PCCA: variants seen among roughly 807,000 people sequenced by gnomAD.
PCCA encodes the protein propionyl-CoA carboxylase subunit alpha.
In PCCA, 74 loss-of-function variants were observed where a neutral mutation model predicts 101.3. The observed-to-expected ratio is 0.73, with a 90% CI of 0.61 to 0.89. PCCA has a LOEUF of 0.89. Among genes scored for constraint, PCCA ranks in the 40% least tolerant of loss-of-function variants. The pLI is 0.00. For synonymous variants in PCCA, 294 were observed against 313.6 expected (o/e 0.94, Z 0.66); for missense variants, 891 against 907.0 (o/e 0.98, Z 0.23).
intron 10 of PCCA, among the ~76,000 whole-genome samples, chr13:100,266,655 C>T (rs1298294092): frequency 2.0e-5 from 3 of 152,114 alleles, no homozygotes; most frequent in Admixed American, 1.3e-4. Flanking sequence ...GTGTATGTCA[C>T]CTATTATTTT....
chr13:100,235,289 AAAAG>A (rs932515959), intron 7 of PCCA, among the ~76,000 whole-genome samples: 4 of 151,678 alleles, frequency 2.6e-5, no homozygotes, highest in East Asian at 3.9e-4. Flanking sequence ...AAAAAAAAAA[AAAAG>A]AAAGAAACAA....
intron 9 of PCCA, 81 bp from the exon 10 acceptor site, chr13:100,262,648 G>A: frequency 1.3e-6 from 1 of 755,284 alleles, no homozygotes; most frequent in Non-Finnish European, 2.4e-6. Context: ...TGTTTTGTTA[G>A]TCTGACTCTT....
chr13:100,529,687 T>TAA (rs2088211885), intron 23 of PCCA, among the ~76,000 whole-genome samples: 1 of 152,254 alleles, frequency 6.6e-6, no homozygotes, highest in East Asian at 1.9e-4. Context: ...TCTTTTACAC[T>TAA]AAGTATTCCA....
At chr13:100,102,726 T>A (rs930776143) in intron 1 of PCCA, among the ~76,000 whole-genome samples, 157 bp from the exon 2 acceptor site, 1 of 152,218 alleles carries the variant, frequency 6.6e-6, no homozygotes, top group Non-Finnish European at 1.5e-5. Context: ...TCTGTAGATA[T>A]GATTTCCCTT....
intron 12 of PCCA, among the ~76,000 whole-genome samples, chr13:100,294,744 G>A (rs1456244263): frequency 6.6e-6 from 1 of 152,146 alleles, no homozygotes. Context: ...TCACTTTGAT[G>A]TATAGTTCTG....
chr13:100,143,305 G>A lies in PCCA; in HGVS notation c.301-11674G>A, dbSNP rs535828113. ...AGCATTTTGGGATGCTGAGGTGGGTGGATCATTTGAGGGTCAGGAGTTTGA... is the reference window on the plus strand; with the variant it reads ...AGCATTTTGGGATGCTGAGGTGGGTAGATCATTTGAGGGTCAGGAGTTTGA... On this transcript the variant is annotated intron_variant, in intron 4 of 23. Transcript: ENST00000376285. Among the ~76,000 whole-genome samples, 4 of 152,114 alleles carry A rather than the reference G, an allele frequency of 2.6e-5. No homozygotes were observed. In the South Asian group the frequency reaches 8.3e-4, roughly 32 times the overall value.
At chr13:100,372,883 G>A (rs1190831745) in intron 19 of PCCA, among the ~76,000 whole-genome samples, 1 of 152,110 alleles carries the variant, frequency 6.6e-6, no homozygotes, top group Non-Finnish European at 1.5e-5. Context: ...GGGATTACAG[G>A]TGCATGCCAC....
At chr13:100,438,710 C>T (rs1460909599) in intron 20 of PCCA, among the ~76,000 whole-genome samples, 5 of 151,648 alleles carry the variant, frequency 3.3e-5, no homozygotes, top group East Asian at 3.9e-4. Flanking sequence ...TCCGAGATCA[C>T]GCTTCTGTCT....
intron 11 of PCCA, among the ~76,000 whole-genome samples, chr13:100,272,816 A>G (rs935661671): frequency 1.3e-5 from 2 of 152,218 alleles, no homozygotes; most frequent in African/African-American, 2.4e-5. Flanking sequence ...TACATGAGCA[A>G]TGAGGATTGA....
At chr13:100,329,105 T>G (rs965306883) in intron 16 of PCCA, among the ~76,000 whole-genome samples, 6 of 151,840 alleles carry the variant, frequency 4.0e-5, no homozygotes, top group African/African-American at 1.5e-4. Flanking sequence ...ATTGCTGAAA[T>G]TTGCTGTTTG....
At chr13:100,461,473 G>C (rs1387212782) in intron 21 of PCCA, among the ~76,000 whole-genome samples, 2 of 152,194 alleles carry the variant, frequency 1.3e-5, no homozygotes, top group Admixed American at 6.5e-5. Flanking sequence ...CTGTACTCTT[G>C]AGAAATAAGT....
chr13:100,251,869 A>T (rs948794720), intron 8 of PCCA, among the ~76,000 whole-genome samples: 3 of 152,206 alleles, frequency 2.0e-5, no homozygotes, highest in Non-Finnish European at 4.4e-5. Flanking sequence ...AATCAGGTAT[A>T]TTCAAATTGT....
chr13:100,439,078 A>G (rs1420978540), intron 20 of PCCA, among the ~76,000 whole-genome samples: 2 of 152,180 alleles, frequency 1.3e-5, no homozygotes, highest in African/African-American at 4.8e-5. Context: ...CACCAGTCAT[A>G]TTTCAAGTTC....
intron 21 of PCCA, among the ~76,000 whole-genome samples, chr13:100,505,724 A>G (rs1461997836): frequency 4.6e-5 from 7 of 152,096 alleles, no homozygotes; most frequent in Non-Finnish European, 1.0e-4. Context: ...AACACTAAGC[A>G]GGCATGGTGG....
At chr13:100,478,474 A>G (rs567950725) in intron 21 of PCCA, among the ~76,000 whole-genome samples, 1 of 152,212 alleles carries the variant, frequency 6.6e-6, no homozygotes, top group East Asian at 1.9e-4. Context: ...TTCCCTGGGT[A>G]CCTGGGGAGG....
intron 21 of PCCA, among the ~76,000 whole-genome samples, chr13:100,457,237 C>G (rs1470592318): frequency 1.3e-5 from 2 of 152,158 alleles, no homozygotes; most frequent in East Asian, 1.9e-4. Flanking sequence ...CTTATTCTAA[C>G]TATTTTCTTT....
At chr13:100,235,627 C>G (rs1277687729) in intron 7 of PCCA, among the ~76,000 whole-genome samples, 1 of 152,190 alleles carries the variant, frequency 6.6e-6, no homozygotes, top group African/African-American at 2.4e-5. Context: ...CTCATTTCAA[C>G]TGCTTTGAGT....
chr13:100,444,780 T>A (rs1295081610), intron 20 of PCCA, among the ~76,000 whole-genome samples: 1 of 152,060 alleles, frequency 6.6e-6, no homozygotes, highest in East Asian at 1.9e-4. Context: ...CCCGCCTCGG[T>A]CTCCCAAAGT....
intron 21 of PCCA, among the ~76,000 whole-genome samples, chr13:100,459,287 T>G (rs1367377001): frequency 6.6e-6 from 1 of 152,182 alleles, no homozygotes; most frequent in Non-Finnish European, 1.5e-5. Context: ...TGAGTAGATA[T>G]GAATTTTGGG....
Sources: allele counts gnomAD v4.1 joint callset (sites outside exome capture counted in the v4.1 genomes callset), GRCh38; gene constraint gnomAD v4.1.1; transcripts MANE v1.5; gene names NCBI Gene and HGNC (gene_info 2026-07-23, HGNC 2026-07-21).